BIRC6: variants seen among roughly 807,000 people sequenced by gnomAD.
BIRC6 encodes baculoviral IAP repeat containing 6.
Under a neutral mutation model 503.3 loss-of-function variants are expected in BIRC6, and 98 were observed. That is an observed-to-expected ratio of 0.19 (90% CI 0.17 to 0.23). BIRC6 has a LOEUF of 0.23. Ranked by LOEUF, BIRC6 falls within the 10% of genes least tolerant of loss-of-function variation. BIRC6 has a pLI of 1.00. For missense variants in BIRC6, 5,360 were observed against 5,806.0 expected, an observed-to-expected ratio of 0.92 and a Z score of 2.50; for synonymous variants, 2,240 against 2,078.7, an observed-to-expected ratio of 1.08 and a Z score of -2.11.
intron 59 of BIRC6, chr2:32,528,036 C>T (rs1474376419): frequency 6.6e-6 from 1 of 152,160 alleles, no homozygotes. Flanking sequence ...GCAGATGACT[C>T]CACAAGAACC....
chr2:32,446,190 T>C (rs1574262267), intron 21 of BIRC6, among the ~76,000 whole-genome samples: 1 of 152,322 alleles, frequency 6.6e-6, no homozygotes, highest in Admixed American at 6.5e-5. Context: ...TAAATCCTTA[T>C]GATGGTTATT....
intron 33 of BIRC6, among the ~76,000 whole-genome samples, chr2:32,474,837 A>G (rs1027291745): frequency 2.0e-5 from 3 of 152,236 alleles, no homozygotes; most frequent in African/African-American, 4.8e-5. Context: ...AATTATGTGT[A>G]CATGCTAGTT....
At chr2:32,468,335 G>T (rs2048776585) in intron 28 of BIRC6, 102 bp from the exon 29 acceptor site, 14 of 1,088,174 alleles carry the variant, frequency 1.3e-5, no homozygotes, top group Non-Finnish European at 1.7e-5. Flanking sequence ...CTTTTTAATG[G>T]TTGTATGTTA....
intron 11 of BIRC6, among the ~76,000 whole-genome samples, chr2:32,430,487 A>G (rs1408337022): frequency 6.6e-6 from 1 of 152,166 alleles, no homozygotes; most frequent in Non-Finnish European, 1.5e-5. Context: ...TTTTTAAAAA[A>G]TAGGGTCTAA....
chr2:32,416,992 T>C (rs1256598658), intron 10 of BIRC6, among the ~76,000 whole-genome samples: 1 of 151,934 alleles, frequency 6.6e-6, no homozygotes, highest in East Asian at 1.9e-4. Flanking sequence ...CGTGGCACCA[T>C]GCCCGGCTAA....
rs369443191 is a variant in BIRC6, at chr2:32,401,399, T to C, written c.1257+14T>C. ...AAACTTATGAAGGTATGTTTGAATT[T>C]TGAAGTAACAAATTAGTAATTGAAA... On this transcript the variant is annotated intron_variant, in intron 7 of 73. Coordinates refer to ENST00000421745, the MANE Select transcript of BIRC6 (RefSeq NM_016252.4). 1.2e-6 allele frequency: 2 copies of C among 1,613,128 alleles called. No individual in the cohort carries two copies. The highest frequency in any genetic ancestry group is 1.7e-5 in the Admixed American group (1 of 59,938).
In BIRC6 at chr2:32,488,605, A is replaced by T; in HGVS notation, c.7986A>T (p.Gln2662His). The T allele has an allele frequency of 4.6e-6, 7 of 1,526,866 alleles. No homozygotes were observed. Among genetic ancestry groups the T allele is most frequent in the Non-Finnish European group, 6.2e-6 (7 of 1,137,236 alleles). 94.6% of individuals were successfully genotyped at this position (1,526,866 alleles called of 1,614,324 possible). Residue 2662 changes from glutamine to histidine, a missense_variant, in exon 42 of 74, where the codon CAA (glutamine) becomes CAT (histidine). Coordinates refer to ENST00000421745, the MANE Select transcript of BIRC6 (RefSeq NM_016252.4). Reference protein sequence around the residue: ...VHHVQLESLLQLWLTLSLNSS... With the variant: ...VHHVQLESLLHLWLTLSLNSS... ...TTTTTCAGTTGGAGTCACTTCTCCA[A>T]TTGTGGCTCACACTGAGCCTGAATT...
chr2:32,393,300 C>T (rs916570021), intron 5 of BIRC6, among the ~76,000 whole-genome samples: 7 of 151,932 alleles, frequency 4.6e-5, no homozygotes, highest in African/African-American at 7.2e-5. Flanking sequence ...AGGATTAACA[C>T]GATACAGAGG....
intron 50 of BIRC6, chr2:32,505,479 T>C: frequency 2.8e-6 from 1 of 352,532 alleles, no homozygotes; most frequent in Non-Finnish European, 5.4e-6. Flanking sequence ...TTTACTAAGC[T>C]TCAGTATTAA....
Position 32,415,222 on chromosome 2 carries a change from A to G in BIRC6, c.1931A>G (p.Lys644Arg). Reference sequence around the variant, plus strand: ...AAGGAATCTGATGAGAAAGCAGGAAAGATCTTTTCACAGATGAACAATATT... The same window carrying G: ...AAGGAATCTGATGAGAAAGCAGGAAGGATCTTTTCACAGATGAACAATATT... ...SIKESDEKAG[K>R]IFSQMNNIMS... is the part of the protein sequence containing the mutation. Residue 644 changes from lysine to arginine, a missense_variant, in exon 10 of 74, where the codon AAG (lysine) becomes AGG (arginine). This residue lies in a region of BIRC6 where 700 missense variants were observed against 739.3 expected (regional missense o/e 0.95). Coordinates refer to ENST00000421745, the MANE Select transcript of BIRC6 (RefSeq NM_016252.4). The G allele has an allele frequency of 1.2e-6, 2 of 1,613,984 alleles. No individual in the cohort carries two copies. The highest frequency in any genetic ancestry group is 1.6e-4 in the Middle Eastern group (1 of 6,062).
chr2:32,513,538 G>T (rs780392777), intron 54 of BIRC6, among the ~76,000 whole-genome samples: 9 of 152,142 alleles, frequency 5.9e-5, no homozygotes, highest in Non-Finnish European at 1.2e-4. Flanking sequence ...CACTTTGGAG[G>T]CCGAGGTGGG....
At chr2:32,607,927 G>A (rs563071770) in intron 72 of BIRC6, among the ~76,000 whole-genome samples, 6 of 122,792 alleles carry the variant, frequency 4.9e-5, no homozygotes, top group Non-Finnish European at 9.4e-5. Context: ...AGCTGAGACT[G>A]CACCACTGCA....
chr2:32,605,100 C>T (rs1490247354), intron 71 of BIRC6, among the ~76,000 whole-genome samples: 1 of 152,098 alleles, frequency 6.6e-6, no homozygotes, highest in African/African-American at 2.4e-5. Context: ...CCAGGATGGC[C>T]TCGAGCCCCT....
At position 32,499,551 on chromosome 2, in the gene BIRC6, G is replaced by T. The variant is rs748843903; in HGVS notation, c.8473G>T (p.Ala2825Ser). The T allele has an allele frequency of 1.5e-5, 24 of 1,598,838 alleles. No individual in the cohort carries two copies. The highest frequency in any genetic ancestry group is 1.4e-5 in the Non-Finnish European group (16 of 1,172,712). ...LIHILSTERG[A>S]FQTGQGPLDA... ...TCTCTCTCTCTCTCTCTGCAGGGGT[G>T]CTTTCCAGACAGGCCAAGGACCTCT... The change falls in exon 46 of 74, where the codon GCT becomes TCT. Residue 2825 changes from alanine (A) to serine (S), a missense_variant. Physicochemically the swap from Ala to Ser is moderately conservative, Grantham distance 99. Around this residue, in one of 16 missense-constraint regions of BIRC6, gnomAD observed 2,299 missense variants for 2,267.2 expected, o/e 1.01. Coordinates refer to ENST00000421745, the MANE Select transcript of BIRC6 (RefSeq NM_016252.4).
chr2:32,534,758 A>AAAAAAAG (rs2057076392), intron 61 of BIRC6, among the ~76,000 whole-genome samples: 1 of 149,758 alleles, frequency 6.7e-6, no homozygotes, highest in African/African-American at 2.5e-5. Context: ...AAAAAAAAAA[A>AAAAAAAG]ATGGTTCAAA....
At chr2:32,596,976 A>G (rs1331081957) in intron 68 of BIRC6, among the ~76,000 whole-genome samples, 1 of 152,232 alleles carries the variant, frequency 6.6e-6, no homozygotes, top group Non-Finnish European at 1.5e-5. Flanking sequence ...GAGTTCTCTC[A>G]TACTACATAA....
intron 30 of BIRC6, among the ~76,000 whole-genome samples, chr2:32,469,958 A>G (rs79270452): frequency 0.083 from 12,645 of 152,294 alleles, 740 homozygotes; most frequent in Non-Finnish European, 0.13. Context: ...TGTTAATAAC[A>G]TTAGAAAATG....
At chr2:32,476,094 C>A in intron 33 of BIRC6, 119 bp from the exon 34 acceptor site, 1 of 719,810 alleles carries the variant, frequency 1.4e-6, no homozygotes, top group Non-Finnish European at 2.1e-6. Flanking sequence ...TAAAATTATA[C>A]TACATCTTTC....
chr2:32,617,170 G>A (rs769911901), intron 73 of BIRC6, among the ~76,000 whole-genome samples: 4 of 152,058 alleles, frequency 2.6e-5, no homozygotes, highest in Non-Finnish European at 4.4e-5. Context: ...TTGGGAGGCC[G>A]AGGCAGGTGG....
Sources: allele counts gnomAD v4.1 joint callset (sites outside exome capture counted in the v4.1 genomes callset), GRCh38; gene constraint gnomAD v4.1.1; regional missense constraint gnomAD v4.1.1; transcripts MANE v1.5; gene names NCBI Gene and HGNC (gene_info 2026-07-23, HGNC 2026-07-21).